IL18R1: variants seen among roughly 807,000 people sequenced by gnomAD.
IL18R1 encodes the protein interleukin-18 receptor 1.
A neutral mutation model predicts 48.5 loss-of-function variants in IL18R1; 40 were observed. The observed-to-expected ratio is 0.82, with a 90% CI of 0.64 to 1.07. The LOEUF (loss-of-function observed/expected upper bound fraction) is 1.07. IL18R1 is among the 50% of genes least tolerant of loss of function. The pLI is 0.00. For missense variants in IL18R1, 596 were observed against 633.7 expected, an observed-to-expected ratio of 0.94 and a Z score of 0.64; for synonymous variants, 232 against 225.9, an observed-to-expected ratio of 1.03 and a Z score of -0.24.
intron 1 of IL18R1, among the ~76,000 whole-genome samples, chr2:102,358,938 G>A (rs1172691119): frequency 6.6e-6 from 1 of 152,110 alleles, no homozygotes; most frequent in Non-Finnish European, 1.5e-5. Context: ...CAGACATAAA[G>A]TGAAAATATG....
At chr2:102,357,881 C>CGTGT (rs139890958) in intron 1 of IL18R1, among the ~76,000 whole-genome samples, 4 of 150,850 alleles carry the variant, frequency 2.7e-5, no homozygotes, top group East Asian at 1.9e-4. Context: ...AGAGTTTAAG[C>CGTGT]GTGTGTGTGT....
At chr2:102,376,124 A>T (rs1679572017) in intron 5 of IL18R1, 61 bp downstream of exon 5, 3 of 1,396,062 alleles carry the variant, frequency 2.1e-6, no homozygotes, top group Non-Finnish European at 2.9e-6. Context: ...GAATTTTTTC[A>T]TTCTTCAAAA....
intron 2 of IL18R1, 81 bp from the exon 3 acceptor site, chr2:102,367,744 A>G: frequency 9.0e-7 from 1 of 1,111,440 alleles, no homozygotes; most frequent in Non-Finnish European, 1.3e-6. Flanking sequence ...TTCTTCACCT[A>G]ATGCATTAGG....
rs115326837 is a variant in IL18R1, at chr2:102,375,947, C to T, written c.509C>T (p.Thr170Met). 6.5e-4 allele frequency: 1,037 copies of T among 1,601,154 alleles called. 6 individuals are homozygous for T. In the African/African-American group the frequency reaches 0.011, roughly 16 times the overall value. ...KLLLENNKNPTIKKNAEFEDQ... is the reference protein window; with the variant it reads ...KLLLENNKNPMIKKNAEFEDQ... ...CTACTGGAGAACAATAAAAACCCAA[C>T]GATAAAGAAGAACGCCGAGTTTGAA... Residue 170 changes from threonine (T) to methionine (M), a missense_variant, in exon 5 of 11, where the codon ACG (threonine) becomes ATG (methionine). Around this residue, in one of 3 missense-constraint regions of IL18R1, gnomAD observed 360 missense variants for 339.4 expected, o/e 1.06. Transcript: ENST00000233957.
intron 4 of IL18R1, among the ~76,000 whole-genome samples, chr2:102,372,946 C>T (rs1048551731): frequency 6.6e-6 from 1 of 152,088 alleles, no homozygotes. Flanking sequence ...GTTTTTATGT[C>T]TTTTTCCTCA....
Position 102,394,393 on chromosome 2 carries a change from A to G in IL18R1, c.1112-76A>G. ...TTCAATGATTCTATACTCATTACTT[A>G]CGACATTCACTTAAGTTTGTACTTA... On this transcript the variant is annotated intron_variant, in intron 9 of 10. Coordinates refer to ENST00000233957, the MANE Select transcript of IL18R1 (RefSeq NM_003855.5). The G allele has an allele frequency of 1.2e-5, 14 of 1,217,050 alleles. No homozygotes were observed. In the South Asian group the frequency reaches 1.9e-4, roughly 16 times the overall value. 75.4% of individuals were successfully genotyped at this position (1,217,050 alleles called of 1,614,324 possible).
In IL18R1 at chr2:102,386,893, T is replaced by C. The variant is rs1395192129; in HGVS notation, c.842T>C (p.Val281Ala). The C allele has an allele frequency of 6.2e-7, 1 of 1,614,194 alleles. No homozygotes were observed. The highest frequency in any genetic ancestry group is 1.7e-5 in the Admixed American group (1 of 60,030). The change falls in exon 8 of 11, where the codon GTA becomes GCA. Residue 281 changes from valine (V) to alanine (A), a missense_variant. Val to Ala is a moderately conservative substitution (Grantham distance 64, BLOSUM62 0). Around this residue, in one of 3 missense-constraint regions of IL18R1, gnomAD observed 360 missense variants for 339.4 expected, o/e 1.06. Coordinates refer to ENST00000233957, the MANE Select transcript of IL18R1 (RefSeq NM_003855.5). ...TPEGKWHASK[V>A]LRIENIGESN... ...GAAGGCAAATGGCATGCTTCAAAAG[T>C]ATTGAGAATTGAAAATATTGGTGAA...
In IL18R1 at chr2:102,356,006, G is replaced by C. The variant is rs1025016010; in HGVS notation, c.-423G>C. On this transcript the variant is annotated 5_prime_UTR_variant, in exon 1 of 11. Coordinates refer to ENST00000233957, the MANE Select transcript of IL18R1 (RefSeq NM_003855.5). Reference sequence around the variant, plus strand: ...ACCCGGACCGGAGGGTCCCCAGACCGGGACCTCCGAGTCAGGGAGGATTCT... The same window carrying C: ...ACCCGGACCGGAGGGTCCCCAGACCCGGACCTCCGAGTCAGGGAGGATTCT... 2 of 152,164 alleles carry C rather than the reference G, an allele frequency of 1.3e-5. No individual in the cohort carries two copies. 9.4% of individuals were successfully genotyped at this position (152,164 alleles called of 1,614,324 possible). A position where few individuals can be genotyped will look rare whatever the true frequency, so the allele number is the denominator to read the frequency against.
intron 8 of IL18R1, 34 bp downstream of exon 8, chr2:102,387,034 T>G: frequency 1.2e-6 from 2 of 1,603,306 alleles, no homozygotes; most frequent in Non-Finnish European, 1.7e-6. Context: ...GTTTTGAAAC[T>G]TAGCTCATTG....
At chr2:102,379,182 G>T (rs561124392) in intron 5 of IL18R1, among the ~76,000 whole-genome samples, 4 of 152,328 alleles carry the variant, frequency 2.6e-5, no homozygotes, top group African/African-American at 9.6e-5. Flanking sequence ...GGTGGCTCAT[G>T]CTGGTAATCC....
rs763582133 is a variant in IL18R1 at position 102,396,944 on chromosome 2, G to A, written c.*58G>A. 2.0e-6 allele frequency: 2 copies of A among 1,022,032 alleles called. No individual in the cohort carries two copies. The highest frequency in any genetic ancestry group is 2.9e-6 in the Non-Finnish European group (2 of 687,430). 63.3% of individuals were successfully genotyped at this position (1,022,032 alleles called of 1,614,324 possible). A position where few individuals can be genotyped will look rare whatever the true frequency, so the allele number is the denominator to read the frequency against. On this transcript the variant is annotated 3_prime_UTR_variant, in exon 11 of 11. Coordinates refer to ENST00000233957, the MANE Select transcript of IL18R1 (RefSeq NM_003855.5). ...AAGATATTCTGGGGACTGAGCATAT[G>A]AACCTGTTCATAACAAAGGCTGTGA...
Sources: allele counts gnomAD v4.1 joint callset (sites outside exome capture counted in the v4.1 genomes callset), GRCh38; gene constraint gnomAD v4.1.1; regional missense constraint gnomAD v4.1.1; transcripts MANE v1.5; gene names NCBI Gene and HGNC (gene_info 2026-07-23, HGNC 2026-07-21).